TNFRSF1B: variants seen among roughly 807,000 people sequenced by gnomAD.
The protein encoded by TNFRSF1B is tumor necrosis factor receptor superfamily member 1B.
Under a neutral mutation model 44.6 loss-of-function variants are expected in TNFRSF1B, and 19 were observed. That is an observed-to-expected ratio of 0.43 (90% CI 0.30 to 0.62). The LOEUF (loss-of-function observed/expected upper bound fraction) is 0.62, where lower values mean the gene tolerates loss of function less well. Ranked by LOEUF, TNFRSF1B falls within the 20% of genes least tolerant of loss-of-function variation. The pLI, the probability that TNFRSF1B is intolerant of heterozygous loss-of-function variation, is 0.16. For synonymous variants in TNFRSF1B, 252 were observed against 261.1 expected, an observed-to-expected ratio of 0.97 and a Z score of 0.34; for missense variants, 541 against 619.9, an observed-to-expected ratio of 0.87 and a Z score of 1.35.
intron 1 of TNFRSF1B, among the ~76,000 whole-genome samples, chr1:12,184,480 G>A (rs560134471): frequency 1.3e-4 from 19 of 151,976 alleles, no homozygotes; most frequent in South Asian, 6.2e-4. Context: ...GCCGGCTACC[G>A]GGGGGGCTGG....
At chr1:12,191,970 T>G in intron 4 of TNFRSF1B, 47 bp downstream of exon 4, 1 of 1,583,226 alleles carries the variant, frequency 6.3e-7, no homozygotes, top group Non-Finnish European at 8.6e-7. Context: ...GGGCCTCTCC[T>G]TTGTAGACAT....
At chr1:12,184,381 G>T (rs1638930409) in intron 1 of TNFRSF1B, among the ~76,000 whole-genome samples, 1 of 151,862 alleles carries the variant, frequency 6.6e-6, no homozygotes, top group South Asian at 2.1e-4. Flanking sequence ...GAATAAACAG[G>T]CCTGAGATTG....
chr1:12,201,837 TG>T, intron 8 of TNFRSF1B, 129 bp from the exon 9 acceptor site: 1 of 1,291,588 alleles, frequency 7.7e-7, no homozygotes, highest in Non-Finnish European at 1.0e-6. Context: ...CGTGCAAGGG[TG>T]GGCAGAAACG....
At chr1:12,205,314 G>T (rs568301996) in intron 9 of TNFRSF1B, among the ~76,000 whole-genome samples, 11 of 152,108 alleles carry the variant, frequency 7.2e-5, no homozygotes, top group African/African-American at 2.7e-4. Context: ...AGGGGGTGGG[G>T]AATGTGGCTG....
At chr1:12,183,863 C>CTACCTACCTACA (rs1272161523) in intron 1 of TNFRSF1B, among the ~76,000 whole-genome samples, 1 of 151,934 alleles carries the variant, frequency 6.6e-6, no homozygotes, top group African/African-American at 2.4e-5. Flanking sequence ...ACCTACCTAC[C>CTACCTACCTACA]TACCTACATA....
chr1:12,167,016 A>G lies in TNFRSF1B; in HGVS notation c.-76A>G. ...AGTCGAGGGCTAGCGAGCGCAGCGG[A>G]GCCTGGAGAGAAGGCGCTGGGCTGC... On this transcript the variant is annotated 5_prime_UTR_variant, in exon 1 of 10. Transcript: ENST00000376259. The G allele has an allele frequency of 9.2e-7, 1 of 1,083,802 alleles. No individual in the cohort carries two copies. The highest frequency in any genetic ancestry group is 3.2e-5 in the South Asian group (1 of 31,126). The allele number at this position is 1,083,802 out of a possible 1,614,324, so 67.1% of individuals were successfully genotyped here.
chr1:12,191,579 A>G, intron 3 of TNFRSF1B, 195 bp from the exon 4 acceptor site: 1 of 667,436 alleles, frequency 1.5e-6, no homozygotes, highest in Non-Finnish European at 2.6e-6. Context: ...GACTGCGGAG[A>G]GTAGCGGGAC....
rs1464759884 is a variant in TNFRSF1B, at chr1:12,169,306, A to T, written c.78+2137A>T. 6.6e-6 allele frequency among the ~76,000 whole-genome samples: 1 copy of T among 152,128 alleles called. No individual in the cohort carries two copies. Among genetic ancestry groups the T allele is most frequent in the Non-Finnish European group, 1.5e-5 (1 of 68,014 alleles). On this transcript the variant is annotated intron_variant, in intron 1 of 9. Transcript: ENST00000376259. This position sits in a 1 kb window ranked among gnomAD's most constrained non-coding sequence, Gnocchi z 4.5. ...ATCAGTAGCATCGCCATAGCTCCTG[A>T]TTTCTGAACACCCACTAAACACCAG...
In TNFRSF1B at chr1:12,187,638, G is replaced by A. The variant is rs1485921509; in HGVS notation, c.79-1158G>A. ...CCTCGGTTTCCTGTTCTATAAAATG[G>A]CTGCAGTAGGGAAACCGTCTCCATC... On this transcript the variant is annotated intron_variant, in intron 1 of 9. Coordinates refer to ENST00000376259, the MANE Select transcript of TNFRSF1B (RefSeq NM_001066.3). The surrounding 1 kb of genome is among the most constrained non-coding windows in gnomAD (Gnocchi z 5.5). Among the ~76,000 whole-genome samples, 2 of 152,232 alleles carry A rather than the reference G, an allele frequency of 1.3e-5. No individual in the cohort carries two copies. Among genetic ancestry groups the A allele is most frequent in the African/African-American group, 4.8e-5 (2 of 41,466 alleles).
In TNFRSF1B at chr1:12,192,785, T is replaced by C; in HGVS notation, c.552-78T>C. Reference sequence around the variant, plus strand: ...ATCGTCACTCTCCTATCCTGCCTGCTGGGGCCCGTGAATGAGCCCAGCCAC... The same window carrying C: ...ATCGTCACTCTCCTATCCTGCCTGCCGGGGCCCGTGAATGAGCCCAGCCAC... On this transcript the variant is annotated intron_variant, in intron 5 of 9. Transcript: ENST00000376259. 4 of 1,273,222 alleles carry C rather than the reference T, an allele frequency of 3.1e-6. No homozygotes were observed. The Middle Eastern group carries it at 9.8e-4, about 312-fold the overall frequency. 78.9% of individuals were successfully genotyped at this position (1,273,222 alleles called of 1,614,324 possible). A position where few individuals can be genotyped will look rare whatever the true frequency, so the allele number is the denominator to read the frequency against.
At chr1:12,191,537 C>T (rs1329619420) in intron 3 of TNFRSF1B, among the ~76,000 whole-genome samples, 1 of 148,348 alleles carries the variant, frequency 6.7e-6, no homozygotes, top group Non-Finnish European at 1.5e-5. Context: ...AGCGCGACTG[C>T]GGGGGACGAG....
intron 1 of TNFRSF1B, among the ~76,000 whole-genome samples, chr1:12,188,413 A>C (rs748043204): frequency 7.2e-5 from 11 of 152,112 alleles, no homozygotes; most frequent in Non-Finnish European, 1.2e-4. Flanking sequence ...CAGGTGCAGG[A>C]GGGAAGGAGA....
chr1:12,177,355 T>C lies in TNFRSF1B; in HGVS notation c.78+10186T>C, dbSNP rs1035364363. On this transcript the variant is annotated intron_variant, in intron 1 of 9. Transcript: ENST00000376259. The surrounding 1 kb of genome is among the most constrained non-coding windows in gnomAD (Gnocchi z 4.3). ...GTCAACCCCATTTGTCCCTGGAGCT[T>C]TTGCAGTCGGTCACAGGGCCAGCCC... 1.3e-5 allele frequency among the ~76,000 whole-genome samples: 2 copies of C among 152,084 alleles called. No individual in the cohort carries two copies. Among genetic ancestry groups the C allele is most frequent in the African/African-American group, 4.8e-5 (2 of 41,432 alleles).
intron 9 of TNFRSF1B, among the ~76,000 whole-genome samples, chr1:12,204,345 C>T (rs1302000525): frequency 1.3e-5 from 2 of 152,144 alleles, no homozygotes; most frequent in Non-Finnish European, 1.5e-5. Flanking sequence ...TGTGGAGGCT[C>T]AGGGTGGAAA....
rs1346349259 is a variant in TNFRSF1B at position 12,199,890 on chromosome 1, T to G, written c.901-2077T>G. On this transcript the variant is annotated intron_variant, in intron 8 of 9. Transcript: ENST00000376259. The surrounding 1 kb of genome is among the most constrained non-coding windows in gnomAD (Gnocchi z 4.0). ...TGGGAATGTGGCCTGTGCCATCTCC[T>G]TTTTTGCTGGGATCAGAAAACAATC... 6.6e-6 allele frequency among the ~76,000 whole-genome samples: 1 copy of G among 152,222 alleles called. No homozygotes were observed. Among genetic ancestry groups the G allele is most frequent in the Non-Finnish European group, 1.5e-5 (1 of 68,040 alleles).
intron 1 of TNFRSF1B, 132 bp downstream of exon 1, chr1:12,167,301 C>T (rs1638413382): frequency 3.1e-6 from 2 of 640,104 alleles, no homozygotes; most frequent in Non-Finnish European, 4.4e-6. Context: ...GTCCCAGTCG[C>T]CGCCCCCCAT....
chr1:12,194,962 G>A (rs926713672), intron 8 of TNFRSF1B, among the ~76,000 whole-genome samples: 1 of 152,220 alleles, frequency 6.6e-6, no homozygotes, highest in Admixed American at 6.5e-5. Context: ...AGCCTGCAGG[G>A]TGGTGCCATT....
Position 12,202,092 on chromosome 1 carries a change from G to A in TNFRSF1B, c.1026G>A (p.Ala342=), listed in dbSNP as rs776068574. The A allele has an allele frequency of 6.3e-6, 10 of 1,582,476 alleles. No homozygotes were observed. Among genetic ancestry groups the A allele is most frequent in the African/African-American group, 2.7e-5 (2 of 74,308 alleles). The part of the protein sequence containing the change: ...ESSASALDRR[A]PTRNQPQAPG... ...CGGCCAGTGCGTTGGACAGAAGGGC[G>A]CCCACTCGGAACCAGCCACAGGCAC... is the stretch of plus-strand genomic sequence containing the variant. Residue 342 remains alanine, a synonymous_variant, in exon 9 of 10, where the codon GCG becomes GCA. Coordinates refer to ENST00000376259, the MANE Select transcript of TNFRSF1B (RefSeq NM_001066.3).
At chr1:12,179,181 T>C (rs1321743536) in intron 1 of TNFRSF1B, among the ~76,000 whole-genome samples, 1 of 152,072 alleles carries the variant, frequency 6.6e-6, no homozygotes, top group Admixed American at 6.5e-5. Flanking sequence ...CCCAGCTCAT[T>C]TCTAAAGCAA....
Sources: allele counts gnomAD v4.1 joint callset (sites outside exome capture counted in the v4.1 genomes callset), GRCh38; gene constraint gnomAD v4.1.1; non-coding constraint Gnocchi (gnomAD v3.1); transcripts MANE v1.5; gene names NCBI Gene and HGNC (gene_info 2026-07-23, HGNC 2026-07-21).